ILDR1: variants seen among roughly 807,000 people sequenced by gnomAD.
ILDR1 encodes immunoglobulin like domain containing receptor 1.
Under a neutral mutation model 62.4 loss-of-function variants are expected in ILDR1, and 56 were observed. That is an observed-to-expected ratio of 0.90 (90% CI 0.72 to 1.12). The LOEUF (loss-of-function observed/expected upper bound fraction) is 1.12. Among genes scored for constraint, ILDR1 ranks in the 50% most tolerant of loss-of-function variants. The pLI is 0.00. For synonymous variants in ILDR1, 284 were observed against 277.8 expected (o/e 1.02, Z -0.22); for missense variants, 736 against 710.6 (o/e 1.04, Z -0.41).
Position 122,007,042 on chromosome 3 carries a change from A to G in ILDR1, c.178T>C (p.Trp60Arg). 1 of 1,613,938 alleles carries G rather than the reference A, an allele frequency of 6.2e-7. No homozygotes were observed. The highest frequency in any genetic ancestry group is 8.5e-7 in the Non-Finnish European group (1 of 1,180,018). ...TCCTTGCAGAAGGACTTGAAGCGCC[A>G]TGTCACCACCACGTCCTGGAGCTGG... ...SAQLQDVVVT[W>R]RFKSFCKDPI... Residue 60 changes from tryptophan to arginine, a missense_variant, in exon 2 of 8, where the codon TGG (tryptophan) becomes CGG (arginine). Transcript: ENST00000344209.
At chr3:122,016,046 C>T (rs1018768934) in intron 1 of ILDR1, among the ~76,000 whole-genome samples, 1 of 152,234 alleles carries the variant, frequency 6.6e-6, no homozygotes, top group Admixed American at 6.5e-5. Flanking sequence ...CAGCCATGCA[C>T]ATCTGGTCCT....
rs771439758 is a variant in ILDR1 at position 121,994,282 on chromosome 3, G to C, written c.678C>G (p.Ala226=). ...CCATCATCTGAGGACCTAGGGCCTGGGCCTGCTTCATGTAGCGGTGGCGGG... is the reference window on the plus strand; with the variant it reads ...CCATCATCTGAGGACCTAGGGCCTGCGCCTGCTTCATGTAGCGGTGGCGGG... ...ALARHRYMKQ[A]QALGPQMMGK... The change falls in exon 6 of 8, where the codon GCC becomes GCG. Residue 226 remains alanine, a synonymous_variant. Coordinates refer to ENST00000344209, the MANE Select transcript of ILDR1 (RefSeq NM_001199799.2). 3.9e-6 allele frequency: 6 copies of C among 1,535,886 alleles called. No individual in the cohort carries two copies. The South Asian group carries it at 7.1e-5, about 18-fold the overall frequency.
chr3:122,055,166 A>AT, the ILDR1 span, among the ~76,000 whole-genome samples: 397 of 152,012 alleles, frequency 2.6e-3, no homozygotes, highest in African/African-American at 7.0e-3. Flanking sequence ...AAGAGGGGAG[A>AT]TTTTTTATTC....
At chr3:121,999,015 G>A (rs1469721082) in intron 5 of ILDR1, among the ~76,000 whole-genome samples, 1 of 152,170 alleles carries the variant, frequency 6.6e-6, no homozygotes, top group East Asian at 1.9e-4. Flanking sequence ...GGGTGGTTGT[G>A]AGGATTCAGT....
At chr3:122,041,246 A>G in the ILDR1 span, among the ~76,000 whole-genome samples, 1 of 152,220 alleles carries the variant, frequency 6.6e-6, no homozygotes, top group East Asian at 1.9e-4. Flanking sequence ...ATTTTAGGTC[A>G]TGAGGACTCC....
chr3:122,001,118 C>T (rs1211512385), intron 5 of ILDR1, among the ~76,000 whole-genome samples, 190 bp downstream of exon 5: 2 of 152,170 alleles, frequency 1.3e-5, no homozygotes, highest in Non-Finnish European at 2.9e-5. Context: ...AGGCAAATGT[C>T]CTTCCATGTG....
chr3:121,994,147 G>C, intron 6 of ILDR1, 35 bp downstream of exon 6: 1 of 1,533,974 alleles, frequency 6.5e-7, no homozygotes, highest in Non-Finnish European at 8.7e-7. Flanking sequence ...CTTGCCCTCT[G>C]CCCTCCCCTA....
rs2071395142 is a variant in ILDR1 at position 121,993,809 on chromosome 3, A to C, written c.940T>G (p.Cys314Gly). 2 of 1,614,050 alleles carry C rather than the reference A, an allele frequency of 1.2e-6. No individual in the cohort carries two copies. The highest frequency in any genetic ancestry group is 1.3e-5 in the African/African-American group (1 of 74,912). The change falls in exon 7 of 8, where the codon TGC becomes GGC. Residue 314 changes from cysteine to glycine, a missense_variant. Coordinates refer to ENST00000344209, the MANE Select transcript of ILDR1 (RefSeq NM_001199799.2). Reference protein sequence around the residue: ...PDLKGRFGHPCSMLSSLGSEV... With the variant: ...PDLKGRFGHPGSMLSSLGSEV... ...GAGCCCAGGGAGGACAGCATGCTGC[A>C]GGGATGGCCAAATCTGCCTTTGAGG... is the stretch of plus-strand genomic sequence containing the variant.
At chr3:122,058,503 T>C in the ILDR1 span, among the ~76,000 whole-genome samples, 1 of 152,204 alleles carries the variant, frequency 6.6e-6, no homozygotes, top group Non-Finnish European at 1.5e-5. Context: ...CCACCAGCTA[T>C]GGGCTTCACG....
At chr3:122,056,218 G>C in the ILDR1 span, among the ~76,000 whole-genome samples, 32 of 152,282 alleles carry the variant, frequency 2.1e-4, no homozygotes, top group African/African-American at 7.5e-4. Context: ...AATCTTTCCT[G>C]CCCGCTTCGT....
chr3:122,004,857 AC>A (rs1559876890), intron 3 of ILDR1, among the ~76,000 whole-genome samples: 1 of 152,130 alleles, frequency 6.6e-6, no homozygotes, highest in Non-Finnish European at 1.5e-5. Context: ...TTCCATGTGA[AC>A]AACAGGAATA....
the ILDR1 span, among the ~76,000 whole-genome samples, chr3:122,027,645 C>A: frequency 6.6e-6 from 1 of 151,950 alleles, no homozygotes; most frequent in African/African-American, 2.4e-5. Context: ...TTTTACAAAC[C>A]GTTTCTAAAA....
chr3:121,997,390 C>T (rs887369258), intron 5 of ILDR1, among the ~76,000 whole-genome samples: 10 of 152,226 alleles, frequency 6.6e-5, no homozygotes, highest in African/African-American at 2.4e-4. Context: ...CCCAACCAGG[C>T]AATTGACCTC....
At chr3:122,038,033 T>G in the ILDR1 span, among the ~76,000 whole-genome samples, 1 of 152,140 alleles carries the variant, frequency 6.6e-6, no homozygotes, top group Non-Finnish European at 1.5e-5. Flanking sequence ...TGATTGTAAG[T>G]TTCCTGAGGC....
Position 122,022,013 on chromosome 3 carries a change from G to A in ILDR1, c.58+7C>T. 1.2e-6 allele frequency: 2 copies of A among 1,609,738 alleles called. No homozygotes were observed. The highest frequency in any genetic ancestry group is 1.7e-6 in the Non-Finnish European group (2 of 1,178,034). On this transcript the variant is annotated splice_region_variant and intron_variant, in intron 1 of 7. Coordinates refer to ENST00000344209, the MANE Select transcript of ILDR1 (RefSeq NM_001199799.2). Reference sequence around the variant, plus strand: ...TCCAGGGTGGGTACCATTTTTCCAAGGCTCACCTGCTGGGAGCCAGGTGCA... The same window carrying A: ...TCCAGGGTGGGTACCATTTTTCCAAAGCTCACCTGCTGGGAGCCAGGTGCA...
rs767668911 is a variant in ILDR1 at position 121,993,212 on chromosome 3, G to T, written c.1537C>A (p.Arg513Ser). The change falls in exon 7 of 8, where the codon CGC becomes AGC. Residue 513 changes from arginine to serine, a missense_variant. Coordinates refer to ENST00000344209, the MANE Select transcript of ILDR1 (RefSeq NM_001199799.2). ...HWPEEKPPSY[R>S]SLDITPGKNS... ...TTGCCTGGAGTGATATCAAGTGAGCGGTAGCTAGGCGGCTTCTCCTCGGGC... is the reference window on the plus strand; with the variant it reads ...TTGCCTGGAGTGATATCAAGTGAGCTGTAGCTAGGCGGCTTCTCCTCGGGC... The T allele has an allele frequency of 6.2e-7, 1 of 1,613,910 alleles. No individual in the cohort carries two copies. Among genetic ancestry groups the T allele is most frequent in the Non-Finnish European group, 8.5e-7 (1 of 1,179,922 alleles).
chr3:122,055,355 G>T, the ILDR1 span: 4 of 791,316 alleles, frequency 5.1e-6, no homozygotes, highest in African/African-American at 1.7e-5. Flanking sequence ...TAGCTGGGTA[G>T]GTATACAGTC....
the ILDR1 span, among the ~76,000 whole-genome samples, chr3:122,052,964 G>A: frequency 2.0e-5 from 3 of 152,222 alleles, no homozygotes; most frequent in Admixed American, 6.5e-5. Flanking sequence ...ATGTGGCCCT[G>A]TGCCGAGAGG....
chr3:122,001,521 A>C (rs775517605), intron 4 of ILDR1, 67 bp from the exon 5 acceptor site: 1 of 1,575,272 alleles, frequency 6.3e-7, no homozygotes, highest in Non-Finnish European at 8.7e-7. Context: ...TCCAGTTCTG[A>C]TATCCTAGAG....
Sources: allele counts gnomAD v4.1 joint callset (sites outside exome capture counted in the v4.1 genomes callset), GRCh38; gene constraint gnomAD v4.1.1; transcripts MANE v1.5; gene names NCBI Gene and HGNC (gene_info 2026-07-23, HGNC 2026-07-21).